The following SYCP1 variants were observed in gnomAD, a reference collection of about 807,000 sequenced individuals.
The protein encoded by SYCP1 is synaptonemal complex protein 1.
Under a neutral mutation model 153.1 loss-of-function variants are expected in SYCP1, and 64 were observed. That is an observed-to-expected ratio of 0.42 (90% CI 0.34 to 0.51). The LOEUF is 0.51. Ranked by LOEUF, SYCP1 falls within the 20% of genes least tolerant of loss-of-function variation. The pLI, the probability that SYCP1 is intolerant of heterozygous loss-of-function variation, is 0.06. For synonymous variants in SYCP1, 384 were observed against 341.8 expected (o/e 1.12, Z -1.36); for missense variants, 997 against 1,049.0 (o/e 0.95, Z 0.68).
intron 12 of SYCP1, 76 bp downstream of exon 12, chr1:114,878,278 C>CAACGAACTTGTAATGA: frequency 1.9e-6 from 2 of 1,045,520 alleles, no homozygotes; most frequent in Non-Finnish European, 2.8e-6. Flanking sequence ...ACTTTCATTA[C>CAACGAACTTGTAATGA]AAGTTTGTTG....
At chr1:114,921,655 A>AC (rs1211177982) in intron 20 of SYCP1, among the ~76,000 whole-genome samples, 2 of 151,758 alleles carry the variant, frequency 1.3e-5, no homozygotes, top group Non-Finnish European at 2.9e-5. Context: ...TCTCAAAAAA[A>AC]AAAAACAAAA....
intron 27 of SYCP1, among the ~76,000 whole-genome samples, chr1:114,959,682 A>G (rs1247514392): frequency 1.3e-5 from 2 of 151,308 alleles, no homozygotes; most frequent in African/African-American, 4.9e-5. Flanking sequence ...CATTCTTTCT[A>G]TTTTTTATAT....
At chr1:114,944,089 C>T (rs1401978704) in intron 23 of SYCP1, among the ~76,000 whole-genome samples, 2 of 151,654 alleles carry the variant, frequency 1.3e-5, no homozygotes, top group Non-Finnish European at 3.0e-5. Context: ...TTGAGAAATT[C>T]ATTAAAAATA....
chr1:114,980,957 G>A (rs1208175092), intron 28 of SYCP1, among the ~76,000 whole-genome samples: 1 of 151,802 alleles, frequency 6.6e-6, no homozygotes, highest in Non-Finnish European at 1.5e-5. Context: ...ATAGGCCCCA[G>A]TGTGTTTTGT....
At chr1:114,912,358 T>G (rs1668236016) in intron 18 of SYCP1, among the ~76,000 whole-genome samples, 1 of 151,950 alleles carries the variant, frequency 6.6e-6, no homozygotes, top group Admixed American at 6.6e-5. Context: ...TTATCTCCTC[T>G]TTGATGAATT....
At chr1:114,962,893 G>T (rs543301951) in intron 27 of SYCP1, among the ~76,000 whole-genome samples, 1 of 152,228 alleles carries the variant, frequency 6.6e-6, no homozygotes, top group Non-Finnish European at 1.5e-5. Context: ...GCATTTGTTT[G>T]TCTGAAAAAG....
intron 15 of SYCP1, among the ~76,000 whole-genome samples, chr1:114,888,641 T>C (rs1169380874): frequency 6.6e-6 from 1 of 152,086 alleles, no homozygotes; most frequent in African/African-American, 2.4e-5. Flanking sequence ...AACCATTCCA[T>C]TTTTTATTCT....
At chr1:114,922,030 C>A (rs1329168727) in intron 20 of SYCP1, among the ~76,000 whole-genome samples, 2 of 152,064 alleles carry the variant, frequency 1.3e-5, no homozygotes, top group East Asian at 1.9e-4. Flanking sequence ...TTATTTATTT[C>A]TTTTCTCTTG....
chr1:114,902,263 A>G (rs577048746), intron 16 of SYCP1, among the ~76,000 whole-genome samples: 1 of 152,306 alleles, frequency 6.6e-6, no homozygotes, highest in Admixed American at 6.5e-5. Context: ...CGAAGGAAAA[A>G]AGGCTTAGAA....
intron 1 of SYCP1, 81 bp from the exon 2 acceptor site, chr1:114,855,360 C>A: frequency 2.9e-6 from 2 of 689,100 alleles, no homozygotes; most frequent in South Asian, 2.7e-5. Context: ...TTGTAAACAT[C>A]ACTTTAAAGA....
rs191752911 is a variant in SYCP1, at chr1:114,874,874, C to G, written c.657+310C>G. Among the ~76,000 whole-genome samples, 504 of 152,254 alleles carry G rather than the reference C, an allele frequency of 3.3e-3. 5 individuals carry two copies. The highest frequency in any genetic ancestry group is 3.5e-3 in the Non-Finnish European group (235 of 68,014). On this transcript the variant is annotated intron_variant, in intron 9 of 31. Coordinates refer to ENST00000369522, the MANE Select transcript of SYCP1 (RefSeq NM_003176.4). ...CATATAAAGTATTATTCATCTGTGT[C>G]TGGCTTCTGTTTACCTTTGTTTTCT...
chr1:114,913,272 T>C (rs1668301580), intron 19 of SYCP1, 122 bp downstream of exon 19: 1 of 762,130 alleles, frequency 1.3e-6, no homozygotes. Context: ...AACTTTGTTT[T>C]AGCAGAAAAA....
intron 27 of SYCP1, among the ~76,000 whole-genome samples, chr1:114,964,951 G>A (rs1376673681): frequency 6.6e-6 from 1 of 152,144 alleles, no homozygotes; most frequent in Non-Finnish European, 1.5e-5. Context: ...AATTACTTTG[G>A]GCAGCATGGC....
chr1:114,879,597 T>G (rs1479481208), intron 12 of SYCP1, among the ~76,000 whole-genome samples: 1 of 152,184 alleles, frequency 6.6e-6, no homozygotes, highest in Non-Finnish European at 1.5e-5. Context: ...TCTTTGTAAC[T>G]GTAGTGCCCA....
At chr1:114,915,715 G>A (rs1357887747) in intron 20 of SYCP1, among the ~76,000 whole-genome samples, 1 of 152,172 alleles carries the variant, frequency 6.6e-6, no homozygotes, top group East Asian at 1.9e-4. Context: ...CAAATTTCTA[G>A]AATTCTGTCT....
chr1:114,951,594 T>C (rs1671109137), intron 27 of SYCP1, among the ~76,000 whole-genome samples: 1 of 152,206 alleles, frequency 6.6e-6, no homozygotes, highest in Non-Finnish European at 1.5e-5. Context: ...AAGCTTTTTA[T>C]TTTGAGATAA....
At chr1:114,969,297 G>C (rs1196117054) in intron 27 of SYCP1, among the ~76,000 whole-genome samples, 2 of 152,114 alleles carry the variant, frequency 1.3e-5, no homozygotes, top group African/African-American at 2.4e-5. Flanking sequence ...CCTTCCCCCA[G>C]GTGCTTTGTT....
At position 114,881,501 on chromosome 1, in the gene SYCP1, ATCCTTCCT is replaced by A. The variant is rs71093615; in HGVS notation, c.910+3333_910+3340del. ...TTTCTTTTAGCACATGGAAGGTATT[ATCCTTCCT>A]TCCTTCCTTCCTTCCTTCCTTCCTT... On this transcript the variant is annotated intron_variant, in intron 12 of 31. Coordinates refer to ENST00000369522, the MANE Select transcript of SYCP1 (RefSeq NM_003176.4). Among the ~76,000 whole-genome samples, 463 of 102,746 alleles carry A rather than the reference ATCCTTCCT, an allele frequency of 4.5e-3. 3 individuals carry two copies. The highest frequency in any genetic ancestry group is 0.016 in the Middle Eastern group (3 of 192). 67.4% of individuals were successfully genotyped at this position (102,746 alleles called of 152,430 possible). A position where few individuals can be genotyped will look rare whatever the true frequency, so the allele number is the denominator to read the frequency against.
At chr1:114,932,148 G>C (rs1469294378) in intron 23 of SYCP1, among the ~76,000 whole-genome samples, 2 of 152,108 alleles carry the variant, frequency 1.3e-5, no homozygotes, top group Non-Finnish European at 2.9e-5. Flanking sequence ...GCCAAGGTCA[G>C]CAAAGATTTC....
Sources: gnomAD v4.1 joint callset for allele counts (sites outside exome capture counted in the v4.1 genomes callset) on GRCh38, gnomAD v4.1.1 for gene constraint, MANE v1.5 for transcripts, NCBI Gene and HGNC (gene_info 2026-07-23, HGNC 2026-07-21) for gene names.